Variants in LRCH1 observed in about 807,000 individuals in gnomAD.
LRCH1 encodes leucine rich repeats and calponin homology domain containing 1.
A neutral mutation model predicts 94.9 loss-of-function variants in LRCH1; 23 were observed. The ratio of observed to expected loss-of-function variants is 0.24; its 90% CI spans 0.17 to 0.34. The LOEUF (loss-of-function observed/expected upper bound fraction) is 0.34, where lower values mean the gene tolerates loss of function less well. LRCH1 is among the 10% of genes least tolerant of loss of function. The pLI, the probability that LRCH1 is intolerant of heterozygous loss-of-function variation, is 1.00. For missense variants in LRCH1, 790 were observed against 945.9 expected (o/e 0.84, Z 2.16); for synonymous variants, 364 against 354.9 (o/e 1.03, Z -0.29).
chr13:46,586,016 T>C lies in LRCH1; in HGVS notation c.307+32313T>C, dbSNP rs144688181. On this transcript the variant is annotated intron_variant, in intron 1 of 19. Transcript: ENST00000389797. ...TATTGGGGAAAAATGCACATTAAAA[T>C]TGGTTTTTACTTTTGTTTTATTTTA... is the stretch of plus-strand genomic sequence containing the variant. 2.2e-4 allele frequency among the ~76,000 whole-genome samples: 33 copies of C among 152,312 alleles called. No homozygotes were observed. In the East Asian group the frequency reaches 2.9e-3, roughly 13 times the overall value.
At chr13:46,606,148 A>ATGTGTGTGTGTGTGTGTGTGTGTG (rs3991577) in intron 1 of LRCH1, among the ~76,000 whole-genome samples, 8 of 148,618 alleles carry the variant, frequency 5.4e-5, no homozygotes, top group African/African-American at 2.0e-4. Context: ...TTTTAACCTT[A>ATGTGTGTGTGTGTGTGTGTGTGTG]TGTGTGTGTG....
chr13:46,683,401 T>G (rs1433753853), intron 4 of LRCH1, among the ~76,000 whole-genome samples: 1 of 152,266 alleles, frequency 6.6e-6, no homozygotes, highest in African/African-American at 2.4e-5. Flanking sequence ...GTACTTGAGA[T>G]GACTTGGTTG....
chr13:46,585,914 G>T (rs776538484), intron 1 of LRCH1, among the ~76,000 whole-genome samples: 5 of 152,120 alleles, frequency 3.3e-5, no homozygotes, highest in Non-Finnish European at 7.3e-5. Flanking sequence ...CATATATTCA[G>T]ATTTGGGCGT....
intron 1 of LRCH1, among the ~76,000 whole-genome samples, chr13:46,580,539 G>A (rs1232982150): frequency 6.6e-6 from 1 of 152,154 alleles, no homozygotes; most frequent in African/African-American, 2.4e-5. Flanking sequence ...TGGGAATTGG[G>A]GACACTTACT....
downstream of LRCH1, among the ~76,000 whole-genome samples, chr13:46,747,321 G>T (rs1457068122): frequency 1.3e-5 from 2 of 152,224 alleles, no homozygotes; most frequent in Non-Finnish European, 2.9e-5. Context: ...GGAGGCTGAG[G>T]CCTCGATACC....
chr13:46,743,243 G>T lies in LRCH1; in HGVS notation c.*1395G>T. The stretch of plus-strand genomic sequence containing the variant: ...ATCTTATTTTTCTGAACATTTTCAT[G>T]AATCCAGGGGACTTGAAAATATGGA... On this transcript the variant is annotated 3_prime_UTR_variant, in exon 20 of 20. Transcript: ENST00000389797. 1.0e-6 allele frequency: 1 copy of T among 985,712 alleles called. No homozygotes were observed. Among genetic ancestry groups the T allele is most frequent in the Non-Finnish European group, 1.2e-6 (1 of 829,794 alleles). The allele number at this position is 985,712 out of a possible 1,614,324, so 61.1% of individuals were successfully genotyped here.
chr13:46,743,937 AT>A lies in LRCH1; in HGVS notation c.*2091del. Reference sequence around the variant, plus strand: ...GACGCACTTTGATTTTTTTTGTGTCATTAATTTGTCTGTACTCTGCTGCGCT... The same window carrying A: ...GACGCACTTTGATTTTTTTTGTGTCATAATTTGTCTGTACTCTGCTGCGCT... On this transcript the variant is annotated 3_prime_UTR_variant, in exon 20 of 20. Coordinates refer to ENST00000389797, the MANE Select transcript of LRCH1 (RefSeq NM_001164211.2). 3 of 985,364 alleles carry A rather than the reference AT, an allele frequency of 3.0e-6. No homozygotes were observed. Among genetic ancestry groups the A allele is most frequent in the Non-Finnish European group, 3.6e-6 (3 of 829,908 alleles). The allele number at this position is 985,364 out of a possible 1,614,324, so 61.0% of individuals were successfully genotyped here.
Position 46,617,211 on chromosome 13 carries a change from T to G in LRCH1, c.308-32990T>G, listed in dbSNP as rs1453348817. Among the ~76,000 whole-genome samples, 7 of 152,298 alleles carry G rather than the reference T, an allele frequency of 4.6e-5. No individual in the cohort carries two copies. The East Asian group carries it at 1.4e-3, about 29-fold the overall frequency. On this transcript the variant is annotated intron_variant, in intron 1 of 19. Transcript: ENST00000389797. ...ATTTTGGTTGTTTATACTTGGATGC[T>G]TTGGATGGGAATAGCCCTGGAGTCA...
At chr13:46,588,060 T>C (rs1330434365) in intron 1 of LRCH1, among the ~76,000 whole-genome samples, 2 of 152,216 alleles carry the variant, frequency 1.3e-5, no homozygotes, top group Non-Finnish European at 2.9e-5. Context: ...TTCTCCCTAA[T>C]GGGTAAATCC....
In LRCH1 at chr13:46,678,243, AGT is replaced by A. The variant is rs754384692; in HGVS notation, c.580-3497_580-3496del. 6.7e-4 allele frequency among the ~76,000 whole-genome samples: 102 copies of A among 152,200 alleles called. 1 individual carries two copies. The highest frequency in any genetic ancestry group is 1.0e-3 in the Non-Finnish European group (68 of 68,030). ...ATTGCTTTTACATTTTCAAAACAGG[AGT>A]ATTTTATCCCCAAACACCTAGACTA... On this transcript the variant is annotated intron_variant, in intron 3 of 19. Transcript: ENST00000389797.
At chr13:46,589,593 CTTTTTT>C (rs762747151) in intron 1 of LRCH1, among the ~76,000 whole-genome samples, 6 of 77,706 alleles carry the variant, frequency 7.7e-5, no homozygotes, top group African/African-American at 3.3e-4. Context: ...AGTTCTCTCA[CTTTTTT>C]TTTTTTTTTT....
In LRCH1 at chr13:46,742,130, C is replaced by A; in HGVS notation, c.*282C>A. On this transcript the variant is annotated 3_prime_UTR_variant, in exon 20 of 20. Transcript: ENST00000389797. The stretch of plus-strand genomic sequence containing the variant: ...ATCCACATAGTGCCAGCAGCAGTGC[C>A]ACGCAGTTCCTCCTCTCCCTCCCGG... 1 of 1,255,844 alleles carries A rather than the reference C, an allele frequency of 8.0e-7. No individual in the cohort carries two copies. Among genetic ancestry groups the A allele is most frequent in the Non-Finnish European group, 1.0e-6 (1 of 993,878 alleles). 77.8% of individuals were successfully genotyped at this position (1,255,844 alleles called of 1,614,324 possible). A position where few individuals can be genotyped will look rare whatever the true frequency, so the allele number is the denominator to read the frequency against.
At chr13:46,640,673 T>G (rs914112868) in intron 1 of LRCH1, among the ~76,000 whole-genome samples, 1 of 152,250 alleles carries the variant, frequency 6.6e-6, no homozygotes, top group Admixed American at 6.5e-5. Flanking sequence ...GCTCCTAATC[T>G]TCATGGAGCT....
chr13:46,618,953 T>A (rs1208423646), intron 1 of LRCH1, among the ~76,000 whole-genome samples: 3 of 152,192 alleles, frequency 2.0e-5, no homozygotes, highest in African/African-American at 7.2e-5. Context: ...TGAAATAACT[T>A]TTAGAGCGAT....
intron 3 of LRCH1, among the ~76,000 whole-genome samples, chr13:46,677,180 C>T (rs1384192210): frequency 1.4e-5 from 2 of 145,576 alleles, no homozygotes; most frequent in African/African-American, 2.6e-5. Flanking sequence ...GAGGCCAAAG[C>T]GGGTGGATCA....
intron 2 of LRCH1, among the ~76,000 whole-genome samples, chr13:46,667,874 C>T (rs772496297): frequency 4.6e-5 from 7 of 152,020 alleles, no homozygotes; most frequent in Admixed American, 1.3e-4. Flanking sequence ...AGAGGAGTAC[C>T]GATAGTATTT....
intron 1 of LRCH1, among the ~76,000 whole-genome samples, chr13:46,576,248 T>C (rs1437245460): frequency 6.6e-6 from 1 of 152,220 alleles, no homozygotes; most frequent in African/African-American, 2.4e-5. Flanking sequence ...AAGGTTCTCA[T>C]GCATGGCAGC....
In LRCH1 at chr13:46,711,654, A is replaced by C. The variant is rs898796120; in HGVS notation, c.1528-137A>C. 1.4e-5 allele frequency: 8 copies of C among 592,014 alleles called. No individual in the cohort carries two copies. The Admixed American group carries it at 2.4e-4, about 18-fold the overall frequency. The allele number at this position is 592,014 out of a possible 1,614,324, so 36.7% of individuals were successfully genotyped here. ...TATGGTCTACTTAGTTACTGAACAC[A>C]CTAACTAATTAATTCAACAGATATT... On this transcript the variant is annotated intron_variant, in intron 13 of 19. Transcript: ENST00000389797.
intron 2 of LRCH1, among the ~76,000 whole-genome samples, chr13:46,653,067 T>C (rs551135403): frequency 6.6e-6 from 1 of 152,306 alleles, no homozygotes; most frequent in East Asian, 1.9e-4. Flanking sequence ...AGAGAATTCA[T>C]TGAAACGGAT....
Sources: allele counts gnomAD v4.1 joint callset (sites outside exome capture counted in the v4.1 genomes callset), GRCh38; gene constraint gnomAD v4.1.1; transcripts MANE v1.5; gene names NCBI Gene and HGNC (gene_info 2026-07-23, HGNC 2026-07-21).